Variants in EXOC4 observed in about 807,000 individuals in gnomAD.
EXOC4 encodes exocyst complex component 4.
A neutral mutation model predicts 107.2 loss-of-function variants in EXOC4; 71 were observed. The observed-to-expected ratio is 0.66, with a 90% CI of 0.55 to 0.81. The LOEUF is 0.81. EXOC4 is among the 30% of genes least tolerant of loss of function. The pLI, the probability that EXOC4 is intolerant of heterozygous loss-of-function variation, is 0.00. For missense variants in EXOC4, 1,108 were observed against 1,189.6 expected, an observed-to-expected ratio of 0.93 and a Z score of 1.01; for synonymous variants, 456 against 441.2, an observed-to-expected ratio of 1.03 and a Z score of -0.42.
At chr7:134,039,349 A>T (rs1039146504) in intron 17 of EXOC4, among the ~76,000 whole-genome samples, 1 of 152,122 alleles carries the variant, frequency 6.6e-6, no homozygotes, top group Non-Finnish European at 1.5e-5. Flanking sequence ...TTATATGCAA[A>T]ATCTGTGTTT....
At chr7:133,858,207 C>T (rs1309793522) in intron 11 of EXOC4, among the ~76,000 whole-genome samples, 1 of 152,172 alleles carries the variant, frequency 6.6e-6, no homozygotes, top group Admixed American at 6.5e-5. Flanking sequence ...GAATGAGTTT[C>T]CACAAACAAC....
At chr7:133,554,066 T>C (rs1013176867) in intron 9 of EXOC4, among the ~76,000 whole-genome samples, 2 of 152,162 alleles carry the variant, frequency 1.3e-5, no homozygotes, top group Non-Finnish European at 1.5e-5. Context: ...AGTTTTTACA[T>C]TGAAAAACCT....
At chr7:133,583,659 G>A (rs1801330479) in intron 9 of EXOC4, among the ~76,000 whole-genome samples, 1 of 152,170 alleles carries the variant, frequency 6.6e-6, no homozygotes, top group Non-Finnish European at 1.5e-5. Flanking sequence ...TCAGTGGCAT[G>A]TCTAGGAGAA....
At chr7:133,759,144 A>ATTTTTTTTT (rs34768347) in intron 10 of EXOC4, among the ~76,000 whole-genome samples, 3 of 140,632 alleles carry the variant, frequency 2.1e-5, no homozygotes, top group African/African-American at 2.6e-5. Flanking sequence ...CAACAAAAGA[A>ATTTTTTTTT]TTTTTTTTTT....
intron 10 of EXOC4, among the ~76,000 whole-genome samples, chr7:133,675,611 T>C (rs975134851): frequency 6.6e-6 from 1 of 152,218 alleles, no homozygotes; most frequent in African/African-American, 2.4e-5. Context: ...ACTAGTTGTC[T>C]ACTTCTATGT....
At chr7:133,792,071 C>T (rs982359277) in intron 10 of EXOC4, among the ~76,000 whole-genome samples, 5 of 152,030 alleles carry the variant, frequency 3.3e-5, no homozygotes, top group Admixed American at 1.3e-4. Flanking sequence ...TGGACAAACA[C>T]GTGTATGCCC....
At chr7:133,595,757 T>C (rs1801653442) in intron 9 of EXOC4, among the ~76,000 whole-genome samples, 1 of 152,176 alleles carries the variant, frequency 6.6e-6, no homozygotes, top group Non-Finnish European at 1.5e-5. Flanking sequence ...TTCTAAAATT[T>C]TCACTCCTAG....
intron 11 of EXOC4, among the ~76,000 whole-genome samples, chr7:133,870,293 C>A (rs573444340): frequency 2.0e-5 from 3 of 152,264 alleles, no homozygotes; most frequent in African/African-American, 7.2e-5. Context: ...AAAATAGTTA[C>A]CTCATGGAAC....
At chr7:133,553,923 G>A (rs1584994492) in intron 9 of EXOC4, among the ~76,000 whole-genome samples, 2 of 151,828 alleles carry the variant, frequency 1.3e-5, no homozygotes, top group Admixed American at 1.3e-4. Context: ...ACCGATCAGG[G>A]GATTTTATGT....
intron 7 of EXOC4, among the ~76,000 whole-genome samples, chr7:133,436,372 T>G (rs1213930757): frequency 1.3e-5 from 2 of 152,152 alleles, no homozygotes; most frequent in Non-Finnish European, 2.9e-5. Context: ...TTGAGATAGC[T>G]TTCTCCTTTC....
intron 7 of EXOC4, among the ~76,000 whole-genome samples, chr7:133,420,560 C>A (rs1403527952): frequency 1.3e-5 from 2 of 152,040 alleles, no homozygotes; most frequent in African/African-American, 4.8e-5. Context: ...TGGTTAAAAG[C>A]AAGTCACAGT....
intron 10 of EXOC4, among the ~76,000 whole-genome samples, chr7:133,678,740 G>A (rs958382240): frequency 6.6e-6 from 1 of 151,708 alleles, no homozygotes; most frequent in Non-Finnish European, 1.5e-5. Context: ...GCTCCCAGGT[G>A]GCTGGGACCA....
At chr7:133,887,859 C>G (rs1413600560) in intron 11 of EXOC4, among the ~76,000 whole-genome samples, 2 of 152,118 alleles carry the variant, frequency 1.3e-5, no homozygotes, top group East Asian at 1.9e-4. Flanking sequence ...ATTTTAAATT[C>G]TTCTTAGCGT....
chr7:133,545,483 TC>T (rs1800462919), intron 9 of EXOC4, among the ~76,000 whole-genome samples: 1 of 152,180 alleles, frequency 6.6e-6, no homozygotes, highest in Non-Finnish European at 1.5e-5. Flanking sequence ...CTTTCCCTTT[TC>T]CCATTAAATG....
intron 17 of EXOC4, 123 bp from the exon 18 acceptor site, chr7:134,064,168 C>A (rs1014584572): frequency 4.2e-5 from 24 of 567,962 alleles, no homozygotes; most frequent in Non-Finnish European, 6.7e-5. Context: ...GCCTAGAACA[C>A]TGCCTGCTGA....
intron 10 of EXOC4, among the ~76,000 whole-genome samples, chr7:133,747,785 C>T (rs1039510678): frequency 1.3e-5 from 2 of 152,050 alleles, no homozygotes; most frequent in African/African-American, 2.4e-5. Context: ...TGTTGCTCCC[C>T]GCTCCTTCAT....
chr7:134,000,258 C>T lies in EXOC4; in HGVS notation c.2348+2625C>T, dbSNP rs148905860. 1.6e-3 allele frequency among the ~76,000 whole-genome samples: 243 copies of T among 152,184 alleles called. 4 individuals are homozygous for T. The East Asian group carries it at 0.038, about 24-fold the overall frequency. On this transcript the variant is annotated intron_variant, in intron 15 of 17. Coordinates refer to ENST00000253861, the MANE Select transcript of EXOC4 (RefSeq NM_021807.4). The stretch of plus-strand genomic sequence containing the variant: ...GTAGATGCACTTACTCTATCCTGGT[C>T]ACGTTAACAATTTTTTTTCAGTTTG...
chr7:133,504,216 A>G lies in EXOC4; in HGVS notation c.1417+24078A>G, dbSNP rs1056576341. On this transcript the variant is annotated intron_variant, in intron 9 of 17. Transcript: ENST00000253861. ...GTAACATTTAATATTAATTATATTA[A>G]CATCACAGGTAGGCAGAAAAGTTGA... Among the ~76,000 whole-genome samples the G allele has an allele frequency of 3.9e-5, 6 of 152,316 alleles. No individual in the cohort carries two copies. The South Asian group carries it at 1.2e-3, about 32-fold the overall frequency.
chr7:133,889,424 TA>T (rs1168163262), intron 11 of EXOC4, among the ~76,000 whole-genome samples: 105 of 151,086 alleles, frequency 6.9e-4, no homozygotes, highest in African/African-American at 2.2e-3. Flanking sequence ...CTATTATTAT[TA>T]TTTTTTTTAA....
Sources: allele counts gnomAD v4.1 joint callset (sites outside exome capture counted in the v4.1 genomes callset), GRCh38; gene constraint gnomAD v4.1.1; transcripts MANE v1.5; gene names NCBI Gene and HGNC (gene_info 2026-07-23, HGNC 2026-07-21).